Variants in NCKAP5 observed in about 807,000 individuals in gnomAD.
NCKAP5 encodes the protein nck-associated protein 5.
In NCKAP5, 92 loss-of-function variants were observed where a neutral mutation model predicts 167.0. That is an observed-to-expected ratio of 0.55 (90% CI 0.47 to 0.66). The LOEUF is 0.66. Ranked by LOEUF, NCKAP5 falls within the 30% of genes least tolerant of loss-of-function variation. The probability of loss-of-function intolerance (pLI) is 0.00; values close to 1 mark genes in which losing one functional copy is unlikely to be tolerated. For synonymous variants in NCKAP5, 891 were observed against 877.4 expected, an observed-to-expected ratio of 1.02 and a Z score of -0.27; for missense variants, 2,378 against 2,315.0, an observed-to-expected ratio of 1.03 and a Z score of -0.56.
chr2:133,430,571 A>G (rs1690095016), intron 3 of NCKAP5, among the ~76,000 whole-genome samples: 1 of 152,150 alleles, frequency 6.6e-6, no homozygotes, highest in South Asian at 2.1e-4. Flanking sequence ...GTAGGGGTCC[A>G]GTTTCATTCT....
intron 19 of NCKAP5, among the ~76,000 whole-genome samples, chr2:132,718,764 A>G (rs1689619220): frequency 6.6e-6 from 1 of 152,230 alleles, no homozygotes; most frequent in Admixed American, 6.5e-5. Context: ...AGATGGCTGC[A>G]TTTTTATTTG....
intron 6 of NCKAP5, chr2:133,123,005 G>A (rs1274831312): frequency 6.6e-6 from 1 of 152,138 alleles, no homozygotes; most frequent in African/African-American, 2.4e-5. Context: ...GCTACTTAGA[G>A]GTACACTGAC....
At chr2:132,939,191 C>A (rs1310318077) in intron 8 of NCKAP5, among the ~76,000 whole-genome samples, 4 of 152,172 alleles carry the variant, frequency 2.6e-5, no homozygotes, top group Non-Finnish European at 5.9e-5. Flanking sequence ...CTTCTCCCCA[C>A]AGCTTAATTT....
At chr2:133,096,991 A>T (rs189945624) in intron 6 of NCKAP5, among the ~76,000 whole-genome samples, 10 of 152,302 alleles carry the variant, frequency 6.6e-5, no homozygotes, top group Non-Finnish European at 1.0e-4. Flanking sequence ...CCCTAATGTA[A>T]GTTCTTTTCT....
chr2:132,937,432 T>C (rs1696938361), intron 8 of NCKAP5, among the ~76,000 whole-genome samples: 1 of 152,218 alleles, frequency 6.6e-6, no homozygotes, highest in African/African-American at 2.4e-5. Flanking sequence ...TGGCCAGCAC[T>C]TCTTACTGGG....
rs1300662060 is a variant in NCKAP5 at position 132,783,910 on chromosome 2, G to A, written c.2901C>T (p.Thr967=). 1 of 1,556,718 alleles carries A rather than the reference G, an allele frequency of 6.4e-7. No homozygotes were observed. The highest frequency in any genetic ancestry group is 2.2e-5 in the East Asian group (1 of 44,492). Residue 967 remains threonine (T), a synonymous_variant, in exon 14 of 20, where the codon ACC becomes ACT. Transcript: ENST00000409261. ...CTTTCAGCAGCGGGGATTTGAATGG[G>A]GTCCTTGCTGTTTCACTGGGGACCC... The part of the protein sequence containing the change: ...ETRVPSETAR[T]PFKSPLLKGI...
At chr2:133,554,981 G>T (rs1687635463) in intron 2 of NCKAP5, among the ~76,000 whole-genome samples, 1 of 152,118 alleles carries the variant, frequency 6.6e-6, no homozygotes, top group African/African-American at 2.4e-5. Context: ...CCTTGGAAGT[G>T]TTCTTGTTGT....
chr2:132,778,692 G>A (rs1682761496), intron 15 of NCKAP5, among the ~76,000 whole-genome samples: 1 of 152,098 alleles, frequency 6.6e-6, no homozygotes, highest in African/African-American at 2.4e-5. Context: ...TAAGCAGACA[G>A]TGAATTTACC....
intron 16 of NCKAP5, among the ~76,000 whole-genome samples, chr2:132,763,485 C>T (rs577702744): frequency 2.6e-5 from 4 of 152,290 alleles, no homozygotes; most frequent in East Asian, 1.9e-4. Flanking sequence ...GAATCACCTG[C>T]GGATCTTCAA....
At chr2:133,501,126 A>G (rs1330973635) in intron 3 of NCKAP5, among the ~76,000 whole-genome samples, 1 of 152,232 alleles carries the variant, frequency 6.6e-6, no homozygotes, top group Non-Finnish European at 1.5e-5. Flanking sequence ...GCTGAAACTC[A>G]GAAGAAAACT....
intron 3 of NCKAP5, among the ~76,000 whole-genome samples, chr2:133,332,149 T>C (rs980641712): frequency 5.3e-5 from 8 of 152,164 alleles, no homozygotes; most frequent in African/African-American, 1.9e-4. Flanking sequence ...ACATCTCAAT[T>C]GTTTTTCTAA....
the NCKAP5 span, among the ~76,000 whole-genome samples, chr2:133,651,051 C>T: frequency 6.1e-4 from 93 of 152,132 alleles, 1 homozygote; most frequent in East Asian, 0.014. Flanking sequence ...AAGACTGAAA[C>T]GTAAGACCTG....
intron 6 of NCKAP5, among the ~76,000 whole-genome samples, chr2:133,093,189 G>A (rs2081245009): frequency 6.6e-6 from 1 of 152,148 alleles, no homozygotes; most frequent in Admixed American, 6.5e-5. Flanking sequence ...AGGGGCAAGG[G>A]TCAAAAATAA....
chr2:132,783,705 G>A lies in NCKAP5; in HGVS notation c.3106C>T (p.Pro1036Ser), dbSNP rs1424598500. The change falls in exon 14 of 20, where the codon CCT becomes TCT. Residue 1036 changes from proline (P) to serine (S), a missense_variant. This residue lies in a region of NCKAP5 where 1,325 missense variants were observed against 1,274.5 expected (regional missense o/e 1.04). Transcript: ENST00000409261. ...CCTCTCTTCGGAGAGACCTTTGGAG[G>A]CCCCAGAGCCATTACGGTGAAGGAG... ...SSSFTVMALG[P>S]PKVSPKRGVP... The A allele has an allele frequency of 6.2e-7, 1 of 1,613,104 alleles. No individual in the cohort carries two copies. The highest frequency in any genetic ancestry group is 1.1e-5 in the South Asian group (1 of 90,944).
At chr2:133,444,679 G>A (rs1039196598) in intron 3 of NCKAP5, among the ~76,000 whole-genome samples, 1 of 152,184 alleles carries the variant, frequency 6.6e-6, no homozygotes, top group Non-Finnish European at 1.5e-5. Flanking sequence ...CCAGAGTTCT[G>A]TGTTCTTCTT....
the NCKAP5 span, among the ~76,000 whole-genome samples, chr2:133,667,989 T>C: frequency 6.6e-6 from 1 of 152,080 alleles, no homozygotes; most frequent in Non-Finnish European, 1.5e-5. Flanking sequence ...TTTATTTTTC[T>C]ATGGATTTGC....
At chr2:133,154,183 G>A (rs562231149) in intron 5 of NCKAP5, among the ~76,000 whole-genome samples, 2 of 152,122 alleles carry the variant, frequency 1.3e-5, no homozygotes, top group Non-Finnish European at 1.5e-5. Context: ...TTGATTAAAT[G>A]AGCATCTCTT....
At chr2:133,525,433 C>A (rs570404877) in intron 2 of NCKAP5, among the ~76,000 whole-genome samples, 1 of 152,170 alleles carries the variant, frequency 6.6e-6, no homozygotes, top group Non-Finnish European at 1.5e-5. Flanking sequence ...ATGGCCAACA[C>A]AGAGAACTCA....
At chr2:133,541,547 A>C (rs1467510850) in intron 2 of NCKAP5, among the ~76,000 whole-genome samples, 2 of 152,198 alleles carry the variant, frequency 1.3e-5, no homozygotes, top group South Asian at 2.1e-4. Flanking sequence ...TATTTAAAGA[A>C]ACATTCCTGA....
Sources: gnomAD v4.1 joint callset for allele counts (sites outside exome capture counted in the v4.1 genomes callset) on GRCh38, gnomAD v4.1.1 for gene constraint, gnomAD v4.1.1 regional missense constraint, MANE v1.5 for transcripts, NCBI Gene and HGNC (gene_info 2026-07-23, HGNC 2026-07-21) for gene names.